Variants in DIP2C observed in about 807,000 individuals in gnomAD.
DIP2C encodes DIP2 acetate--CoA ligase C (putative), also known as disco-interacting protein 2 homolog C.
Under a neutral mutation model 192.4 loss-of-function variants are expected in DIP2C, and 33 were observed. That is an observed-to-expected ratio of 0.17 (90% CI 0.13 to 0.23). DIP2C has a LOEUF of 0.23. DIP2C is among the 10% of genes least tolerant of loss of function. The probability of loss-of-function intolerance (pLI) is 1.00; values close to 1 mark genes in which losing one functional copy is unlikely to be tolerated. For synonymous variants in DIP2C, 979 were observed against 864.1 expected (o/e 1.13, Z -2.33); for missense variants, 1,537 against 2,110.1 (o/e 0.73, Z 5.32).
intron 1 of DIP2C, among the ~76,000 whole-genome samples, chr10:504,572 G>A (rs1845458138): frequency 1.3e-5 from 2 of 152,166 alleles, no homozygotes; most frequent in South Asian, 2.1e-4. Flanking sequence ...TGACCATGCA[G>A]AGAAGCACCC....
Position 441,288 on chromosome 10 carries a change from G to A in DIP2C, c.269-292C>T, listed in dbSNP as rs1589803430. Reference sequence around the variant, plus strand: ...GGGTGAATGGACCTTGATCTTTGGAGATCTCTTTGTAGGTCACACGTTCGA... The same window carrying A: ...GGGTGAATGGACCTTGATCTTTGGAAATCTCTTTGTAGGTCACACGTTCGA... On this transcript the variant is annotated intron_variant, in intron 3 of 36. Coordinates refer to ENST00000280886, the MANE Select transcript of DIP2C (RefSeq NM_014974.3). 5 of 330,866 alleles carry A rather than the reference G, an allele frequency of 1.5e-5. No homozygotes were observed. In the East Asian group the frequency reaches 3.2e-4, roughly 21 times the overall value. The allele number at this position is 330,866 out of a possible 1,614,324, so 20.5% of individuals were successfully genotyped here. A position where few individuals can be genotyped will look rare whatever the true frequency, so the allele number is the denominator to read the frequency against.
intron 1 of DIP2C, among the ~76,000 whole-genome samples, chr10:647,886 G>C (rs12411869): frequency 2.2e-3 from 191 of 87,762 alleles, no homozygotes; most frequent in Middle Eastern, 0.012. Context: ...AGTCCACGTC[G>C]ACATTGGATG....
intron 13 of DIP2C, 112 bp downstream of exon 13, chr10:389,879 T>C (rs1963314867): frequency 1.2e-6 from 1 of 829,418 alleles, no homozygotes; most frequent in Non-Finnish European, 2.0e-6. Context: ...TCAGCGGAGC[T>C]GGGCACAAAC....
At position 292,602 on chromosome 10, in the gene DIP2C, C is replaced by T. The variant is rs77522850; in HGVS notation, c.3987-4181G>A. On this transcript the variant is annotated intron_variant, in intron 32 of 36. Coordinates refer to ENST00000280886, the MANE Select transcript of DIP2C (RefSeq NM_014974.3). ...TCTCGGAAGGCTGAAGCCCTGATGG[C>T]GCCGTGCAACCGAGTGGGGAACGAA... 7.6e-4 allele frequency among the ~76,000 whole-genome samples: 115 copies of T among 152,282 alleles called. No individual in the cohort carries two copies. In the East Asian group the frequency reaches 0.018, roughly 24 times the overall value.
chr10:384,689 G>A (rs1392489347), intron 14 of DIP2C, 50 bp from the exon 15 acceptor site: 1 of 1,584,364 alleles, frequency 6.3e-7, no homozygotes, highest in Non-Finnish European at 8.7e-7. Context: ...GGCACGCAGA[G>A]GAGCAGCTCT....
intron 1 of DIP2C, chr10:664,869 CAAAGT>C (rs1279797556): frequency 6.6e-5 from 10 of 151,992 alleles, no homozygotes. Context: ...CGGGAAAAAA[CAAAGT>C]AGAGAGTTCT....
chr10:277,919 GC>G (rs1362267642), intron 36 of DIP2C, among the ~76,000 whole-genome samples: 1 of 152,212 alleles, frequency 6.6e-6, no homozygotes, highest in East Asian at 1.9e-4. Context: ...GAGGACCAAT[GC>G]CCTCACTGAA....
At chr10:579,741 G>C (rs963149620) in intron 1 of DIP2C, among the ~76,000 whole-genome samples, 1 of 151,576 alleles carries the variant, frequency 6.6e-6, no homozygotes, top group African/African-American at 2.4e-5. Flanking sequence ...GCATACATAG[G>C]TACACTATAA....
rs778694389 is a variant in DIP2C, at chr10:689,485, C to A, written c.85+9G>T. The A allele has an allele frequency of 1.6e-5, 20 of 1,218,138 alleles. No individual in the cohort carries two copies. Among genetic ancestry groups the A allele is most frequent in the Non-Finnish European group, 1.9e-5 (18 of 962,246 alleles). 75.5% of individuals were successfully genotyped at this position (1,218,138 alleles called of 1,614,324 possible). ...AGCGCGGCCCGGCCCGGGGCGGGGG[C>A]CCGGTTACCTTCCGACAGCTCCAGC... On this transcript the variant is annotated intron_variant, in intron 1 of 36. Coordinates refer to ENST00000280886, the MANE Select transcript of DIP2C (RefSeq NM_014974.3). The surrounding 1 kb of genome is among the most constrained non-coding windows in gnomAD (Gnocchi z 6.1).
chr10:645,037 C>A (rs1484448535), intron 1 of DIP2C, among the ~76,000 whole-genome samples: 1 of 152,198 alleles, frequency 6.6e-6, no homozygotes, highest in Non-Finnish European at 1.5e-5. Flanking sequence ...ACAAGAAAGA[C>A]CCCTCCGGAT....
Position 324,099 on chromosome 10 carries a change from C to T in DIP2C, c.3924+2907G>A, listed in dbSNP as rs532812449. Among the ~76,000 whole-genome samples, 9 of 152,276 alleles carry T rather than the reference C, an allele frequency of 5.9e-5. No homozygotes were observed. In the East Asian group the frequency reaches 1.5e-3, roughly 26 times the overall value. On this transcript the variant is annotated intron_variant, in intron 31 of 36. Coordinates refer to ENST00000280886, the MANE Select transcript of DIP2C (RefSeq NM_014974.3). ...CTGACTGCCCTCCCCCAGAACGCCTCCCCGTGTTCGTGGCACTCTATCCTC... is the reference window on the plus strand; with the variant it reads ...CTGACTGCCCTCCCCCAGAACGCCTTCCCGTGTTCGTGGCACTCTATCCTC...
chr10:411,241 AG>A (rs1965163873), intron 8 of DIP2C, among the ~76,000 whole-genome samples: 1 of 152,260 alleles, frequency 6.6e-6, no homozygotes, highest in Non-Finnish European at 1.5e-5. Flanking sequence ...TTGGTAGGAA[AG>A]CCAGATGAAC....
At chr10:374,932 G>A (rs1961391322) in intron 17 of DIP2C, among the ~76,000 whole-genome samples, 1 of 152,176 alleles carries the variant, frequency 6.6e-6, no homozygotes, top group African/African-American at 2.4e-5. Context: ...GTGAAATGGT[G>A]TTCAAGACCA....
intron 31 of DIP2C, among the ~76,000 whole-genome samples, chr10:318,443 T>C (rs3123226): frequency 6.6e-6 from 1 of 152,198 alleles, no homozygotes; most frequent in Non-Finnish European, 1.5e-5. Flanking sequence ...GGTGGGGAAG[T>C]CTCGTGTCCA....
intron 1 of DIP2C, among the ~76,000 whole-genome samples, chr10:563,220 C>T (rs1437835414): frequency 1.3e-5 from 2 of 152,230 alleles, no homozygotes; most frequent in African/African-American, 2.4e-5. Flanking sequence ...GGGCTTGGTG[C>T]ATCCATACGA....
chr10:487,616 C>T (rs1469758190), intron 1 of DIP2C, among the ~76,000 whole-genome samples: 1 of 134,692 alleles, frequency 7.4e-6, no homozygotes, highest in Admixed American at 7.9e-5. Context: ...CTCTCTCTGT[C>T]GCCCAGGCTG....
intron 14 of DIP2C, 50 bp downstream of exon 14, chr10:387,695 G>C: frequency 6.3e-7 from 1 of 1,578,674 alleles, no homozygotes; most frequent in South Asian, 1.1e-5. Flanking sequence ...AGGCAGGGCA[G>C]GGTGGGGGAC....
chr10:483,399 G>A (rs1417656026), intron 2 of DIP2C, among the ~76,000 whole-genome samples: 2 of 152,330 alleles, frequency 1.3e-5, no homozygotes, highest in East Asian at 3.9e-4. Flanking sequence ...GTTCCTTGCT[G>A]CTTCCCAGGA....
intron 14 of DIP2C, 81 bp from the exon 15 acceptor site, chr10:384,720 A>C (rs924996386): frequency 7.1e-7 from 1 of 1,401,282 alleles, no homozygotes; most frequent in African/African-American, 1.4e-5. Context: ...CATGGACACT[A>C]GGCCGCACGG....
Sources: gnomAD v4.1 joint callset for allele counts (sites outside exome capture counted in the v4.1 genomes callset) on GRCh38, gnomAD v4.1.1 for gene constraint, Gnocchi (gnomAD v3.1) non-coding constraint, MANE v1.5 for transcripts, NCBI Gene and HGNC (gene_info 2026-07-23, HGNC 2026-07-21) for gene names.